MYL12A: variants seen among roughly 807,000 people sequenced by gnomAD.
MYL12A encodes the protein myosin light chain 12A, also known as myosin regulatory light chain 12A.
A neutral mutation model predicts 13.3 loss-of-function variants in MYL12A; 11 were observed. The observed-to-expected ratio is 0.83, with a 90% confidence interval of 0.52 to 1.37. The LOEUF (loss-of-function observed/expected upper bound fraction) is 1.37, where lower values mean the gene tolerates loss of function less well. Among genes scored for constraint, MYL12A ranks in the 40% most tolerant of loss-of-function variants. The pLI is 0.00. For missense variants in MYL12A, 146 were observed against 212.3 expected, an observed-to-expected ratio of 0.69 and a Z score of 1.94; for synonymous variants, 51 against 69.9, an observed-to-expected ratio of 0.73 and a Z score of 1.35.
At chr18:3,255,665 A>G in intron 3 of MYL12A, 81 bp from the exon 4 acceptor site, 5 of 1,471,232 alleles carry the variant, frequency 3.4e-6, no homozygotes, top group South Asian at 1.4e-5. Flanking sequence ...CATACAGAAC[A>G]TGCTTAGTCA....
Position 3,253,392 on chromosome 18 carries a change from G to C in MYL12A, c.145G>C (p.Asp49His). ...MIDQNRDGFI[D>H]KEDLHDMLAS... ...TGATCAGAACAGAGATGGTTTCATC[G>C]ACAAGGAAGATTTGCATGATATGCT... The change falls in exon 2 of 4, where the codon GAC becomes CAC. Residue 49 changes from aspartate (D) to histidine (H), a missense_variant. Asp to His is a moderately conservative substitution (Grantham distance 81). Coordinates refer to ENST00000217652, the MANE Select transcript of MYL12A (RefSeq NM_006471.4). The C allele has an allele frequency of 6.2e-7, 1 of 1,613,688 alleles. No individual in the cohort carries two copies.
At chr18:3,248,593 T>C (rs1467517220) in intron 1 of MYL12A, 1 of 152,228 alleles carries the variant, frequency 6.6e-6, no homozygotes, top group African/African-American at 2.4e-5. Flanking sequence ...TTAACTTAAG[T>C]GCAAAAAGTT....
intron 2 of MYL12A, chr18:3,253,677 C>G: frequency 1.5e-6 from 1 of 681,546 alleles, no homozygotes; most frequent in South Asian, 2.1e-5. Context: ...AGTATTATTC[C>G]TTCTGACATT....
At chr18:3,252,940 C>A (rs2081500568) in intron 1 of MYL12A, among the ~76,000 whole-genome samples, 1 of 152,192 alleles carries the variant, frequency 6.6e-6, no homozygotes, top group South Asian at 2.1e-4. Flanking sequence ...CTCAGCACCC[C>A]TATACTGCTG....
chr18:3,252,157 G>A (rs961253240), intron 1 of MYL12A: 1 of 528,258 alleles, frequency 1.9e-6, no homozygotes, highest in Non-Finnish European at 3.2e-6. Flanking sequence ...CCAGATCATA[G>A]CTAAATGTTG....
At chr18:3,248,245 C>CA (rs34450904) in intron 1 of MYL12A, 90,768 of 151,984 alleles carry the variant, frequency 0.6, 28,213 homozygotes, top group Admixed American at 0.69. Flanking sequence ...AGGGTTTGCG[C>CA]AAAAACGTAG....
In MYL12A at chr18:3,255,915, C is replaced by T; in HGVS notation, c.513C>T (p.Asp171=). The change falls in exon 4 of 4, where the codon GAC becomes GAT. Residue 171 remains aspartate, a synonymous_variant. Coordinates refer to ENST00000217652, the MANE Select transcript of MYL12A (RefSeq NM_006471.4). ...ILKHGAKDKD[D] ...AACATGGAGCCAAAGACAAAGATGA[C>T]TGAAATAACTTCAAATTCCAGCCAA... The T allele has an allele frequency of 6.2e-7, 1 of 1,613,070 alleles. No individual in the cohort carries two copies. Among genetic ancestry groups the T allele is most frequent in the Non-Finnish European group, 8.5e-7 (1 of 1,179,714 alleles).
At chr18:3,251,232 T>C (rs1181225553) in intron 1 of MYL12A, among the ~76,000 whole-genome samples, 3 of 152,102 alleles carry the variant, frequency 2.0e-5, no homozygotes, top group East Asian at 1.9e-4. Flanking sequence ...ATAGGAAATA[T>C]ATCAGAATTC....
intron 3 of MYL12A, chr18:3,255,410 C>T (rs2144334267): frequency 5.5e-6 from 1 of 183,330 alleles, no homozygotes; most frequent in East Asian, 1.4e-4. Context: ...CCATTCATGC[C>T]ACTTGAAGGA....
chr18:3,247,565 A>C (rs2081440869), upstream of MYL12A: 1 of 152,644 alleles, frequency 6.6e-6, no homozygotes, highest in Non-Finnish European at 1.5e-5. Context: ...AGGGGGGAGG[A>C]AGACTTAACA....
intron 1 of MYL12A, among the ~76,000 whole-genome samples, chr18:3,251,475 A>G (rs1258648663): frequency 6.6e-6 from 1 of 152,238 alleles, no homozygotes; most frequent in African/African-American, 2.4e-5. Context: ...TTGGCTTGCA[A>G]AGGCGTGACA....
chr18:3,250,843 A>G (rs77380285), intron 1 of MYL12A, among the ~76,000 whole-genome samples: 4,973 of 152,154 alleles, frequency 0.033, 161 homozygotes, highest in East Asian at 0.12. Flanking sequence ...GTTAGGAATT[A>G]TTTTTCATTA....
rs1239811046 is a variant in MYL12A, at chr18:3,247,900, G to C, written c.-25G>C. On this transcript the variant is annotated 5_prime_UTR_variant, in exon 1 of 4. Transcript: ENST00000217652. ...TCGGAGAGGTGCTCGGATTCTCGTA[G>C]CTGTGCCGGGTGAGTGGCGCTCGCG... 1 of 152,238 alleles carries C rather than the reference G, an allele frequency of 6.6e-6. No individual in the cohort carries two copies. The highest frequency in any genetic ancestry group is 1.5e-5 in the Non-Finnish European group (1 of 68,056). 9.4% of individuals were successfully genotyped at this position (152,238 alleles called of 1,614,324 possible). A position where few individuals can be genotyped will look rare whatever the true frequency, so the allele number is the denominator to read the frequency against.
At chr18:3,253,846 TATTGTA>T (rs1444406329) in intron 2 of MYL12A, 37 bp from the exon 3 acceptor site, 1 of 1,533,812 alleles carries the variant, frequency 6.5e-7, no homozygotes, top group Admixed American at 2.0e-5. Context: ...AGTTGATATG[TATTGTA>T]ATGTAATTAA....
chr18:3,253,060 G>C (rs1418680670), intron 1 of MYL12A, among the ~76,000 whole-genome samples, 173 bp from the exon 2 acceptor site: 2 of 152,144 alleles, frequency 1.3e-5, no homozygotes, highest in African/African-American at 4.8e-5. Context: ...TTATATAGCA[G>C]TACAGGACAT....
upstream of MYL12A, chr18:3,247,641 C>T (rs1426906171): frequency 6.6e-6 from 1 of 152,304 alleles, no homozygotes; most frequent in African/African-American, 2.4e-5. Context: ...TTATATATTG[C>T]TCTATATTCT....
intron 2 of MYL12A, 190 bp from the exon 3 acceptor site, chr18:3,253,699 T>C (rs1252756019): frequency 4.2e-6 from 3 of 713,610 alleles, no homozygotes; most frequent in Non-Finnish European, 6.9e-6. Context: ...CAATGGACTA[T>C]CATATACTTT....
intron 1 of MYL12A, among the ~76,000 whole-genome samples, chr18:3,250,630 C>G (rs1238483818): frequency 6.6e-6 from 1 of 152,194 alleles, no homozygotes; most frequent in Non-Finnish European, 1.5e-5. Context: ...ACTTCCTCAA[C>G]ATTACACTGC....
At chr18:3,254,692 G>A (rs1364148480) in intron 3 of MYL12A, among the ~76,000 whole-genome samples, 1 of 152,240 alleles carries the variant, frequency 6.6e-6, no homozygotes, top group Non-Finnish European at 1.5e-5. Flanking sequence ...GTGGCACAGA[G>A]TTAACTCTCA....
Sources: allele counts gnomAD v4.1 joint callset (sites outside exome capture counted in the v4.1 genomes callset), GRCh38; gene constraint gnomAD v4.1.1; transcripts MANE v1.5; gene names NCBI Gene and HGNC (gene_info 2026-07-23, HGNC 2026-07-21).